The following CSMD1 variants were observed in gnomAD, a reference collection of about 807,000 sequenced individuals.
CSMD1 encodes CUB and sushi domain-containing protein 1.
Under a neutral mutation model 417.5 loss-of-function variants are expected in CSMD1, and 213 were observed. That is an observed-to-expected ratio of 0.51 (90% CI 0.46 to 0.57). The LOEUF (loss-of-function observed/expected upper bound fraction) is 0.57, where lower values mean the gene tolerates loss of function less well. CSMD1 is among the 20% of genes least tolerant of loss of function. The pLI, the probability that CSMD1 is intolerant of heterozygous loss-of-function variation, is 0.00. For missense variants in CSMD1, 6,923 were observed against 4,529.7 expected (o/e 1.53, Z -15.17); for synonymous variants, 2,862 against 1,736.8 (o/e 1.65, Z -16.11).
intron 5 of CSMD1, among the ~76,000 whole-genome samples, chr8:3,822,725 T>C (rs1010194059): frequency 1.1e-4 from 17 of 152,158 alleles, no homozygotes; most frequent in Non-Finnish European, 2.4e-4. Flanking sequence ...TAAAGTCCTT[T>C]GGGTTTTGTT....
chr8:4,294,983 G>A lies in CSMD1; in HGVS notation c.415+124970C>T, dbSNP rs569399594. ...GGATATTTTTCTTATATTTTGCCAA[G>A]TCACCTGATCTGAACCCAATCTAAG... On this transcript the variant is annotated intron_variant, in intron 3 of 69. Coordinates refer to ENST00000635120, the MANE Select transcript of CSMD1 (RefSeq NM_033225.6). Among the ~76,000 whole-genome samples the A allele has an allele frequency of 3.0e-4, 45 of 150,144 alleles. 1 individual carries two copies. The South Asian group carries it at 9.0e-3, about 30-fold the overall frequency.
intron 3 of CSMD1, among the ~76,000 whole-genome samples, chr8:4,038,556 G>A (rs183580854): frequency 1.3e-5 from 2 of 152,140 alleles, no homozygotes; most frequent in African/African-American, 4.8e-5. Context: ...TTTGCCTGAA[G>A]ATTATGCATG....
At chr8:4,744,371 G>A (rs187391782) in intron 1 of CSMD1, among the ~76,000 whole-genome samples, 2 of 152,050 alleles carry the variant, frequency 1.3e-5, no homozygotes, top group Non-Finnish European at 2.9e-5. Context: ...TCAGTGTTTC[G>A]TATTGTCTCT....
intron 1 of CSMD1, among the ~76,000 whole-genome samples, chr8:4,993,571 C>G (rs529065125): frequency 6.6e-6 from 1 of 152,142 alleles, no homozygotes; most frequent in African/African-American, 2.4e-5. Context: ...GCCCAGGAGC[C>G]ACCCAGAGAA....
At chr8:4,041,043 G>A (rs1326053483) in intron 3 of CSMD1, among the ~76,000 whole-genome samples, 1 of 128,922 alleles carries the variant, frequency 7.8e-6, no homozygotes, top group Non-Finnish European at 1.6e-5. Flanking sequence ...TTGAGACGGA[G>A]TCTCGCTCTG....
At chr8:2,987,758 C>T (rs568608435) in intron 54 of CSMD1, among the ~76,000 whole-genome samples, 1 of 152,330 alleles carries the variant, frequency 6.6e-6, no homozygotes, top group Admixed American at 6.5e-5. Context: ...GCCAGCGGCG[C>T]GCATAAGGGC....
At chr8:3,262,175 G>A (rs1453981517) in intron 26 of CSMD1, among the ~76,000 whole-genome samples, 1 of 99,752 alleles carries the variant, frequency 1.0e-5, no homozygotes, top group African/African-American at 4.4e-5. Context: ...CTAAAATTAT[G>A]CTCATATGAA....
chr8:3,813,363 T>G (rs1280326694), intron 5 of CSMD1, among the ~76,000 whole-genome samples: 2 of 152,180 alleles, frequency 1.3e-5, no homozygotes, highest in Non-Finnish European at 2.9e-5. Context: ...TGCAATGATG[T>G]GAAGTAAATA....
At chr8:4,898,021 G>T (rs150187395) in intron 1 of CSMD1, among the ~76,000 whole-genome samples, 2,885 of 152,200 alleles carry the variant, frequency 0.019, 44 homozygotes, top group Non-Finnish European at 0.028. Flanking sequence ...ACAGACTTCA[G>T]TTTATAAAAC....
rs144813932 is a variant in CSMD1 at position 3,508,645 on chromosome 8, C to A, written c.1345-14919G>T. On this transcript the variant is annotated intron_variant, in intron 10 of 69. Coordinates refer to ENST00000635120, the MANE Select transcript of CSMD1 (RefSeq NM_033225.6). ...AAATCACTGATTTATTCAATCACTC[C>A]TTCAGTCGGTTTTATTGTACTTCCA... Among the ~76,000 whole-genome samples the A allele has an allele frequency of 6.0e-3, 911 of 152,182 alleles. 9 individuals are homozygous for A. The highest frequency in any genetic ancestry group is 0.021 in the African/African-American group (865 of 41,526).
chr8:3,872,765 A>T (rs545763032), intron 5 of CSMD1, among the ~76,000 whole-genome samples: 1 of 152,226 alleles, frequency 6.6e-6, no homozygotes, highest in Middle Eastern at 3.4e-3. Flanking sequence ...AATTTTTTGC[A>T]AACTACCCAT....
chr8:4,627,283 C>G (rs753727343), intron 2 of CSMD1, among the ~76,000 whole-genome samples: 8 of 152,050 alleles, frequency 5.3e-5, no homozygotes, highest in Non-Finnish European at 1.0e-4. Flanking sequence ...AAATCTTAAA[C>G]AGAAAAAAGT....
At chr8:4,666,236 G>C (rs1419556867) in intron 1 of CSMD1, among the ~76,000 whole-genome samples, 1 of 152,142 alleles carries the variant, frequency 6.6e-6, no homozygotes, top group East Asian at 1.9e-4. Context: ...ATGTGGTGGA[G>C]GGGAATCAAG....
intron 25 of CSMD1, among the ~76,000 whole-genome samples, chr8:3,286,229 T>C (rs1396206144): frequency 4.6e-5 from 7 of 152,230 alleles, no homozygotes; most frequent in African/African-American, 1.7e-4. Context: ...TCTATCATTG[T>C]TGGACATTTG....
intron 1 of CSMD1, among the ~76,000 whole-genome samples, chr8:4,650,923 C>A (rs1171598027): frequency 2.0e-5 from 3 of 152,106 alleles, no homozygotes; most frequent in Non-Finnish European, 2.9e-5. Flanking sequence ...TTCTTATTTG[C>A]CTTGCTTTAA....
At chr8:3,794,563 G>T (rs1405178576) in intron 5 of CSMD1, among the ~76,000 whole-genome samples, 1 of 151,922 alleles carries the variant, frequency 6.6e-6, no homozygotes, top group African/African-American at 2.4e-5. Flanking sequence ...TGCCATCAAA[G>T]TGCTAGTAAC....
In CSMD1 at chr8:4,989,160, T is replaced by C. The variant is rs527263630; in HGVS notation, c.85+5172A>G. ...TTTGCTAAGCACAATGATCATGTAA[T>C]TGAAGGCAAGGTAAAAAGGTTGAGT... On this transcript the variant is annotated intron_variant, in intron 1 of 69. Coordinates refer to ENST00000635120, the MANE Select transcript of CSMD1 (RefSeq NM_033225.6). Among the ~76,000 whole-genome samples the C allele has an allele frequency of 1.7e-4, 26 of 152,338 alleles. 1 individual carries two copies. In the South Asian group the frequency reaches 5.2e-3, roughly 30 times the overall value.
chr8:4,631,379 T>C (rs1183734685), intron 2 of CSMD1, among the ~76,000 whole-genome samples: 2 of 148,812 alleles, frequency 1.3e-5, no homozygotes, highest in Non-Finnish European at 3.0e-5. Flanking sequence ...TAAAATAAAA[T>C]AAAATGATAC....
At chr8:3,944,031 G>A (rs530747480) in intron 5 of CSMD1, among the ~76,000 whole-genome samples, 2 of 152,214 alleles carry the variant, frequency 1.3e-5, no homozygotes, top group African/African-American at 2.4e-5. Context: ...TACTGTGGTT[G>A]TGAAAGAACA....
Sources: gnomAD v4.1 joint callset for allele counts (sites outside exome capture counted in the v4.1 genomes callset) on GRCh38, gnomAD v4.1.1 for gene constraint, MANE v1.5 for transcripts, NCBI Gene and HGNC (gene_info 2026-07-23, HGNC 2026-07-21) for gene names.